Variants in XPO4 observed in about 807,000 individuals in gnomAD.
XPO4 encodes the protein exportin 4, also known as exportin-4.
Under a neutral mutation model 143.0 loss-of-function variants are expected in XPO4, and 39 were observed. The ratio of observed to expected loss-of-function variants is 0.27; its 90% CI spans 0.21 to 0.36. XPO4 has a LOEUF of 0.36. Among genes scored for constraint, XPO4 ranks in the 10% least tolerant of loss-of-function variants. XPO4 has a pLI of 1.00. For missense variants in XPO4, 907 were observed against 1,348.0 expected (o/e 0.67, Z 5.12); for synonymous variants, 439 against 474.0 (o/e 0.93, Z 0.96).
intron 1 of XPO4, among the ~76,000 whole-genome samples, chr13:20,882,882 G>A (rs1214099552): frequency 6.8e-6 from 1 of 147,716 alleles, no homozygotes; most frequent in South Asian, 2.1e-4. Context: ...GCAAAACTCA[G>A]TCTCAAAAAA....
At chr13:20,817,756 T>C (rs543225599) in intron 9 of XPO4, among the ~76,000 whole-genome samples, 46 of 152,328 alleles carry the variant, frequency 3.0e-4, no homozygotes, top group African/African-American at 1.1e-3. Flanking sequence ...ATAAATCTTT[T>C]ATAAAACAGC....
intron 1 of XPO4, among the ~76,000 whole-genome samples, chr13:20,873,844 T>C (rs879270841): frequency 2.0e-5 from 3 of 152,164 alleles, no homozygotes; most frequent in Admixed American, 2.0e-4. Context: ...GCAGCAATAA[T>C]TGTAAAATTG....
At chr13:20,873,587 C>G (rs1166672010) in intron 1 of XPO4, among the ~76,000 whole-genome samples, 1 of 152,190 alleles carries the variant, frequency 6.6e-6, no homozygotes, top group Non-Finnish European at 1.5e-5. Context: ...CTAATCCTTT[C>G]CTCAAAACAG....
At chr13:20,813,769 C>G (rs778230399) in intron 9 of XPO4, among the ~76,000 whole-genome samples, 1 of 152,084 alleles carries the variant, frequency 6.6e-6, no homozygotes, top group Non-Finnish European at 1.5e-5. Context: ...ACTAGCCTGG[C>G]CAACATGGCG....
intron 16 of XPO4, among the ~76,000 whole-genome samples, chr13:20,798,003 G>A (rs2059380958): frequency 6.6e-6 from 1 of 152,086 alleles, no homozygotes; most frequent in Non-Finnish European, 1.5e-5. Flanking sequence ...AATTAGCCAG[G>A]CATGGTGGTG....
At chr13:20,790,716 C>T (rs936449313) in intron 18 of XPO4, 136 bp from the exon 19 acceptor site, 13 of 696,264 alleles carry the variant, frequency 1.9e-5, no homozygotes, top group African/African-American at 8.9e-5. Context: ...AATCTGACCT[C>T]GTCCTGCCTG....
In XPO4 at chr13:20,803,516, C is replaced by G. The variant is rs1028502166; in HGVS notation, c.1818-2526G>C. Among the ~76,000 whole-genome samples the G allele has an allele frequency of 6.6e-6, 1 of 152,164 alleles. No homozygotes were observed. Among genetic ancestry groups the G allele is most frequent in the Non-Finnish European group, 1.5e-5 (1 of 68,036 alleles). On this transcript the variant is annotated intron_variant, in intron 13 of 22. Transcript: ENST00000255305. The surrounding 1 kb of genome is among the most constrained non-coding windows in gnomAD (Gnocchi z 4.1). ...CCTCTCATAACCCAAGAACCTTTCT[C>G]CATCTTCACTCCCAAGACTACGTAG...
At chr13:20,815,587 T>C (rs1405972543) in intron 9 of XPO4, among the ~76,000 whole-genome samples, 2 of 152,236 alleles carry the variant, frequency 1.3e-5, no homozygotes, top group African/African-American at 2.4e-5. Flanking sequence ...CAGCAACTAA[T>C]CATCATGACA....
intron 1 of XPO4, among the ~76,000 whole-genome samples, chr13:20,885,860 A>C (rs2060457450): frequency 6.6e-6 from 1 of 152,224 alleles, no homozygotes; most frequent in Non-Finnish European, 1.5e-5. Context: ...AGTTAATGAA[A>C]TTGATGTAGC....
At chr13:20,837,412 T>C (rs1254001615) in intron 6 of XPO4, among the ~76,000 whole-genome samples, 1 of 152,152 alleles carries the variant, frequency 6.6e-6, no homozygotes, top group Non-Finnish European at 1.5e-5. Flanking sequence ...TTTTTTTTCT[T>C]TTTTAGAGAC....
intron 17 of XPO4, 100 bp from the exon 18 acceptor site, chr13:20,796,356 T>A: frequency 2.5e-6 from 2 of 810,680 alleles, no homozygotes; most frequent in Non-Finnish European, 3.4e-6. Flanking sequence ...ATTCCAACAG[T>A]AGCAATAATT....
At chr13:20,799,116 A>G in intron 16 of XPO4, 49 bp downstream of exon 16, 1 of 1,498,272 alleles carries the variant, frequency 6.7e-7, no homozygotes, top group Middle Eastern at 1.8e-4. Flanking sequence ...AGATAAAGGA[A>G]CTACAGAGTT....
At chr13:20,838,609 C>CAAAAAA in intron 6 of XPO4, among the ~76,000 whole-genome samples, 1 of 87,700 alleles carries the variant, frequency 1.1e-5, no homozygotes. Flanking sequence ...GACTCCATCT[C>CAAAAAA]AAAAAAAAAA....
intron 1 of XPO4, chr13:20,902,178 G>A (rs987183286): frequency 1.0e-6 from 1 of 985,214 alleles, no homozygotes. Context: ...TTACTCCAGA[G>A]GTGGCTGCAT....
In XPO4 at chr13:20,827,124, T is replaced by C. The variant is rs34938233; in HGVS notation, c.783A>G (p.Pro261=). ...FESSQNVLLK[P]TESWRETLLD... is the part of the protein sequence containing the mutation. ...GAAGAGTCTCCCGCCAGGACTCTGT[T>C]GGCTTCAACAGCACATTTTGCGAGG... Residue 261 remains proline (P), a synonymous_variant, in exon 7 of 23, where the codon CCA becomes CCG. Coordinates refer to ENST00000255305, the MANE Select transcript of XPO4 (RefSeq NM_022459.5). 5.2e-5 allele frequency: 84 copies of C among 1,614,076 alleles called. No individual in the cohort carries two copies. Among genetic ancestry groups the C allele is most frequent in the African/African-American group, 3.7e-4 (28 of 75,056 alleles).
intron 18 of XPO4, among the ~76,000 whole-genome samples, chr13:20,793,307 A>G (rs940971945): frequency 2.0e-5 from 3 of 151,962 alleles, no homozygotes; most frequent in African/African-American, 7.3e-5. Context: ...TACTCGTTTT[A>G]TTCTTTTTAC....
chr13:20,864,257 A>G (rs2060226092), intron 2 of XPO4, among the ~76,000 whole-genome samples: 1 of 152,238 alleles, frequency 6.6e-6, no homozygotes, highest in East Asian at 1.9e-4. Context: ...AGTTCCATCT[A>G]TTTAGATCAC....
chr13:20,854,702 T>C (rs1476049770), intron 4 of XPO4, among the ~76,000 whole-genome samples: 2 of 152,134 alleles, frequency 1.3e-5, no homozygotes, highest in Non-Finnish European at 2.9e-5. Context: ...TAATCATTAA[T>C]AGCAACCGCA....
Position 20,808,585 on chromosome 13 carries a change from A to G in XPO4, c.1494-4T>C. On this transcript the variant is annotated splice_region_variant and splice_polypyrimidine_tract_variant and intron_variant, in intron 11 of 22. Coordinates refer to ENST00000255305, the MANE Select transcript of XPO4 (RefSeq NM_022459.5). Reference sequence around the variant, plus strand: ...TGTTACTCTTTCTTCTAATAAACTAAAAGAGAAGAAAACAGTAGCTTCATA... The same window carrying G: ...TGTTACTCTTTCTTCTAATAAACTAGAAGAGAAGAAAACAGTAGCTTCATA... 1 of 1,533,956 alleles carries G rather than the reference A, an allele frequency of 6.5e-7. No homozygotes were observed. Among genetic ancestry groups the G allele is most frequent in the Non-Finnish European group, 8.9e-7 (1 of 1,127,478 alleles).
Sources: allele counts gnomAD v4.1 joint callset (sites outside exome capture counted in the v4.1 genomes callset), GRCh38; gene constraint gnomAD v4.1.1; non-coding constraint Gnocchi (gnomAD v3.1); transcripts MANE v1.5; gene names NCBI Gene and HGNC (gene_info 2026-07-23, HGNC 2026-07-21).